The following ZNF445 variants were observed in gnomAD, a reference collection of about 807,000 sequenced individuals.
ZNF445 encodes the protein zinc finger protein 168.
In ZNF445, 19 loss-of-function variants were observed where a neutral mutation model predicts 93.9. The ratio of observed to expected loss-of-function variants is 0.20; its 90% CI spans 0.14 to 0.30. The LOEUF is 0.30. ZNF445 is among the 10% of genes least tolerant of loss of function. The pLI is 1.00. For missense variants in ZNF445, 1,058 were observed against 1,259.4 expected, an observed-to-expected ratio of 0.84 and a Z score of 2.42; for synonymous variants, 449 against 446.3, an observed-to-expected ratio of 1.01 and a Z score of -0.08.
Position 44,442,973 on chromosome 3 carries a change from A to T in ZNF445, c.*3602T>A, listed in dbSNP as rs572740680. The T allele has an allele frequency of 6.6e-6, 1 of 152,212 alleles. No homozygotes were observed. The highest frequency in any genetic ancestry group is 1.5e-5 in the Non-Finnish European group (1 of 68,034). 9.4% of individuals were successfully genotyped at this position (152,212 alleles called of 1,614,324 possible). ...TGGCAAACAGATAAATAAGCACCCA[A>T]CCCTGGCTTCCAGAGTGCTTGGTCT... On this transcript the variant is annotated 3_prime_UTR_variant, in exon 8 of 8. Transcript: ENST00000396077.
Position 44,440,819 on chromosome 3 carries a change from A to G in ZNF445, c.*5756T>C, listed in dbSNP as rs1224918683. On this transcript the variant is annotated 3_prime_UTR_variant, in exon 8 of 8. Transcript: ENST00000396077. Reference sequence around the variant, plus strand: ...ATGCTAAACAAGGGGTAGATTATTCATAAGTTTCCCGGGAAAGGTGTGAGC... The same window carrying G: ...ATGCTAAACAAGGGGTAGATTATTCGTAAGTTTCCCGGGAAAGGTGTGAGC... 3.9e-5 allele frequency: 6 copies of G among 152,170 alleles called. No homozygotes were observed. The highest frequency in any genetic ancestry group is 1.4e-4 in the African/African-American group (6 of 41,446). 9.4% of individuals were successfully genotyped at this position (152,170 alleles called of 1,614,324 possible).
Position 44,450,503 on chromosome 3 carries a change from T to C in ZNF445, c.764A>G (p.Gln255Arg), listed in dbSNP as rs1246682813. 1.2e-6 allele frequency: 2 copies of C among 1,614,170 alleles called. No homozygotes were observed. The highest frequency in any genetic ancestry group is 1.7e-6 in the Non-Finnish European group (2 of 1,180,016). The change falls in exon 6 of 8, where the codon CAG becomes CGG. Residue 255 changes from glutamine to arginine, a missense_variant. This residue lies in a region of ZNF445 where 657 missense variants were observed against 746.4 expected (regional missense o/e 0.88). Coordinates refer to ENST00000396077, the MANE Select transcript of ZNF445 (RefSeq NM_181489.6). ...QDEWGWLDSA[Q>R]RNLYRDVMLE... Reference sequence around the variant, plus strand: ...CATCACATCCCTGTACAGGTTCCTCTGAGCAGAGTCCAGCCACCCCCACTC... The same window carrying C: ...CATCACATCCCTGTACAGGTTCCTCCGAGCAGAGTCCAGCCACCCCCACTC...
rs767961959 is a variant in ZNF445 at position 44,448,655 on chromosome 3, C to G, written c.1016G>C (p.Gly339Ala). The G allele has an allele frequency of 6.2e-7, 1 of 1,614,168 alleles. No homozygotes were observed. ...EEAETLAVSS[G>A]CPATSVSEGI... Reference sequence around the variant, plus strand: ...CTCAGAAACACTTGTCGCAGGACATCCTGATGACACAGCTAAGGTTTCTGC... The same window carrying G: ...CTCAGAAACACTTGTCGCAGGACATGCTGATGACACAGCTAAGGTTTCTGC... Residue 339 changes from glycine to alanine, a missense_variant, in exon 8 of 8, where the codon GGA (glycine) becomes GCA (alanine). Around this residue, in one of 3 missense-constraint regions of ZNF445, gnomAD observed 657 missense variants for 746.4 expected, o/e 0.88. Transcript: ENST00000396077.
intron 1 of ZNF445, among the ~76,000 whole-genome samples, chr3:44,474,608 A>T (rs974172674): frequency 5.3e-5 from 8 of 152,234 alleles, no homozygotes; most frequent in Non-Finnish European, 1.2e-4. Context: ...AGATTGAAGC[A>T]GACCAAGTAG....
chr3:44,449,269 A>G (rs896206055), intron 7 of ZNF445, among the ~76,000 whole-genome samples: 3 of 152,146 alleles, frequency 2.0e-5, no homozygotes, highest in African/African-American at 7.2e-5. Flanking sequence ...CCAGCAGGCA[A>G]GAACTATTAT....
chr3:44,459,282 TA>T (rs1698075033), intron 1 of ZNF445, among the ~76,000 whole-genome samples: 1 of 152,076 alleles, frequency 6.6e-6, no homozygotes, highest in Non-Finnish European at 1.5e-5. Flanking sequence ...CTCTGCCAAA[TA>T]AATTGAGCAA....
chr3:44,446,798 G>A lies in ZNF445; in HGVS notation c.2873C>T (p.Ala958Val), dbSNP rs777829845. ...AGTGAGCCTGGAGCTCTGGCTGCAA[G>A]CTTCTTTGCAGTCTTCGAGGGGCAT... The part of the protein sequence containing the change: ...EEMPLEDCKE[A>V]CSQSSRLTGL... The change falls in exon 8 of 8, where the codon GCT (alanine) becomes GTT (valine). Residue 958 changes from alanine to valine, a missense_variant. By Grantham distance (64) the Ala-to-Val change is moderately conservative. Transcript: ENST00000396077. The surrounding 1 kb of genome is among the most constrained non-coding windows in gnomAD (Gnocchi z 4.2). 2.5e-6 allele frequency: 4 copies of A among 1,614,196 alleles called. No homozygotes were observed. The highest frequency in any genetic ancestry group is 2.5e-6 in the Non-Finnish European group (3 of 1,180,032).
intron 1 of ZNF445, among the ~76,000 whole-genome samples, chr3:44,477,136 TACTA>T (rs1415153829): frequency 6.6e-6 from 1 of 152,226 alleles, no homozygotes; most frequent in African/African-American, 2.4e-5. Flanking sequence ...CTCACAATAA[TACTA>T]ACAGGTTTTT....
Position 44,432,790 on chromosome 3 carries a change from A to G in ZNF445, c.*13785T>C, listed in dbSNP as rs1315827216. On this transcript the variant is annotated 3_prime_UTR_variant, in exon 8 of 8. Coordinates refer to ENST00000396077, the MANE Select transcript of ZNF445 (RefSeq NM_181489.6). The stretch of plus-strand genomic sequence containing the variant: ...TCCAACATCCCAGCTTCCCTCTTAC[A>G]TCCCTGAATGGCAGAACCCAACAAG... The G allele has an allele frequency of 6.6e-6, 1 of 152,186 alleles. No homozygotes were observed. Among genetic ancestry groups the G allele is most frequent in the African/African-American group, 2.4e-5 (1 of 41,444 alleles). 9.4% of individuals were successfully genotyped at this position (152,186 alleles called of 1,614,324 possible).
rs929634190 is a variant in ZNF445 at position 44,436,022 on chromosome 3, T to G, written c.*10553A>C. On this transcript the variant is annotated 3_prime_UTR_variant, in exon 8 of 8. Transcript: ENST00000396077. ...GCCTAGGAAGATAAAAAGTATAAATTATTGTCAGTGCAGCAGGGTCCTACT... is the reference window on the plus strand; with the variant it reads ...GCCTAGGAAGATAAAAAGTATAAATGATTGTCAGTGCAGCAGGGTCCTACT... The G allele has an allele frequency of 3.9e-5, 6 of 152,136 alleles. No individual in the cohort carries two copies. The highest frequency in any genetic ancestry group is 3.9e-4 in the Admixed American group (6 of 15,264). The allele number at this position is 152,136 out of a possible 1,614,324, so 9.4% of individuals were successfully genotyped here.
chr3:44,450,791 C>G, intron 5 of ZNF445, 77 bp downstream of exon 5: 1 of 1,362,336 alleles, frequency 7.3e-7, no homozygotes, highest in Non-Finnish European at 9.9e-7. Context: ...CAGAGAAACC[C>G]AGGATGGGGA....
intron 1 of ZNF445, among the ~76,000 whole-genome samples, chr3:44,468,309 T>TAG (rs1435990067): frequency 1.3e-5 from 2 of 152,210 alleles, no homozygotes. Context: ...AGATCTAACT[T>TAG]AACTAACTCC....
chr3:44,466,751 T>C (rs1237178100), intron 1 of ZNF445, among the ~76,000 whole-genome samples: 3 of 152,184 alleles, frequency 2.0e-5, no homozygotes, highest in Non-Finnish European at 4.4e-5. Flanking sequence ...ATTGTAACAT[T>C]AGAATAAACA....
At chr3:44,462,909 A>G (rs1698136788) in intron 1 of ZNF445, among the ~76,000 whole-genome samples, 1 of 152,078 alleles carries the variant, frequency 6.6e-6, no homozygotes, top group African/African-American at 2.4e-5. Context: ...AAGTGGATAA[A>G]CAAGCTGTAG....
chr3:44,461,374 TA>T (rs1559397582), intron 1 of ZNF445, among the ~76,000 whole-genome samples: 1 of 61,006 alleles, frequency 1.6e-5, no homozygotes, highest in African/African-American at 3.9e-5. Flanking sequence ...AGACCGAGAA[TA>T]GGAGGATAGC....
At position 44,448,124 on chromosome 3, in the gene ZNF445, C is replaced by G. The variant is rs1303059424; in HGVS notation, c.1547G>C (p.Arg516Thr). ...LHTQEKAFKCRVCGKAFRWSS... is the reference protein window; with the variant it reads ...LHTQEKAFKCTVCGKAFRWSS... ...CCACCGGAAGGCTTTCCCACACACCCTACATTTAAATGCTTTCTCTTGAGT... is the reference window on the plus strand; with the variant it reads ...CCACCGGAAGGCTTTCCCACACACCGTACATTTAAATGCTTTCTCTTGAGT... Residue 516 changes from arginine (R) to threonine (T), a missense_variant, in exon 8 of 8, where the codon AGG becomes ACG. Arg to Thr is a moderately conservative substitution (Grantham distance 71, BLOSUM62 -1). Transcript: ENST00000396077. 1 of 1,614,112 alleles carries G rather than the reference C, an allele frequency of 6.2e-7. No individual in the cohort carries two copies. Among genetic ancestry groups the G allele is most frequent in the East Asian group, 2.2e-5 (1 of 44,880 alleles).
At chr3:44,459,944 G>A (rs960532672) in intron 1 of ZNF445, among the ~76,000 whole-genome samples, 14 of 152,330 alleles carry the variant, frequency 9.2e-5, no homozygotes, top group African/African-American at 2.9e-4. Flanking sequence ...GCTCACACCT[G>A]TAATTCTAGC....
chr3:44,465,089 T>G (rs914775267), intron 1 of ZNF445, among the ~76,000 whole-genome samples: 65 of 129,578 alleles, frequency 5.0e-4, no homozygotes, highest in Non-Finnish European at 5.1e-4. Flanking sequence ...AAAAAAAAAA[T>G]CGCTTACTTA....
chr3:44,461,951 G>C (rs746189722), intron 1 of ZNF445, among the ~76,000 whole-genome samples: 3 of 152,028 alleles, frequency 2.0e-5, no homozygotes, highest in Non-Finnish European at 2.9e-5. Flanking sequence ...CCAGAAACCT[G>C]GTATACCGGC....
Sources: gnomAD v4.1 joint callset for allele counts (sites outside exome capture counted in the v4.1 genomes callset) on GRCh38, gnomAD v4.1.1 for gene constraint, gnomAD v4.1.1 regional missense constraint, Gnocchi (gnomAD v3.1) non-coding constraint, MANE v1.5 for transcripts, NCBI Gene and HGNC (gene_info 2026-07-23, HGNC 2026-07-21) for gene names.